Variants in GLYR1 observed in about 807,000 individuals in gnomAD.
The protein encoded by GLYR1 is glyoxylate reductase 1 homolog.
A neutral mutation model predicts 72.7 loss-of-function variants in GLYR1; 21 were observed. The ratio of observed to expected loss-of-function variants is 0.29; its 90% CI spans 0.20 to 0.42. The LOEUF is 0.42. Ranked by LOEUF, GLYR1 falls within the 10% of genes least tolerant of loss-of-function variation. GLYR1 has a pLI of 1.00. For synonymous variants in GLYR1, 392 were observed against 270.2 expected (o/e 1.45, Z -4.42); for missense variants, 594 against 712.1 (o/e 0.83, Z 1.89).
intron 15 of GLYR1, among the ~76,000 whole-genome samples, chr16:4,809,707 T>A (rs770743280): frequency 1.3e-5 from 2 of 151,342 alleles, no homozygotes; most frequent in Non-Finnish European, 2.9e-5. Context: ...ACGGATCACC[T>A]GAGGTCAGCA....
intron 15 of GLYR1, among the ~76,000 whole-genome samples, chr16:4,806,567 T>C (rs1036732154): frequency 6.6e-6 from 1 of 151,632 alleles, no homozygotes; most frequent in Admixed American, 6.6e-5. Context: ...GGGGTCTTGC[T>C]ATGTTGCCCA....
chr16:4,828,332 G>T (rs1056046150), intron 5 of GLYR1, among the ~76,000 whole-genome samples: 2 of 152,010 alleles, frequency 1.3e-5, no homozygotes, highest in Admixed American at 6.5e-5. Context: ...GCCTCCCAAA[G>T]CGCTGGGATT....
intron 7 of GLYR1, among the ~76,000 whole-genome samples, chr16:4,822,466 C>A (rs1371078982): frequency 1.3e-5 from 2 of 152,010 alleles, no homozygotes; most frequent in African/African-American, 2.4e-5. Flanking sequence ...TCTTGGCTCA[C>A]TGCAACCTCT....
At chr16:4,817,485 G>T in intron 10 of GLYR1, 113 bp downstream of exon 10, 1 of 673,208 alleles carries the variant, frequency 1.5e-6, no homozygotes, top group South Asian at 1.8e-5. Flanking sequence ...TGGACTAAAA[G>T]CTTGGCTTCT....
chr16:4,823,310 T>C (rs1000430138), intron 6 of GLYR1, among the ~76,000 whole-genome samples: 1 of 152,236 alleles, frequency 6.6e-6, no homozygotes, highest in African/African-American at 2.4e-5. Context: ...TTTGGCCTAC[T>C]TGTGTCTGGT....
Position 4,804,967 on chromosome 16 carries a change from GT to G in GLYR1, c.*268del. The G allele has an allele frequency of 1.8e-6, 1 of 541,328 alleles. No individual in the cohort carries two copies. The highest frequency in any genetic ancestry group is 1.9e-5 in the African/African-American group (1 of 51,900). 33.5% of individuals were successfully genotyped at this position (541,328 alleles called of 1,614,324 possible). A position where few individuals can be genotyped will look rare whatever the true frequency, so the allele number is the denominator to read the frequency against. ...TGTGTGTGTGTGTGTGTGTGTGTGT[GT>G]GTGAACACACAGCCACCTCGTCCGG... On this transcript the variant is annotated 3_prime_UTR_variant, in exon 16 of 16. Coordinates refer to ENST00000321919, the MANE Select transcript of GLYR1 (RefSeq NM_032569.4).
intron 10 of GLYR1, among the ~76,000 whole-genome samples, chr16:4,815,169 A>T (rs1567679530): frequency 6.6e-6 from 1 of 151,768 alleles, no homozygotes; most frequent in African/African-American, 2.4e-5. Context: ...ACAGTGGTGC[A>T]ATCATGGCTC....
At chr16:4,846,114 ACATTCTCC>A in intron 2 of GLYR1, 52 bp downstream of exon 2, 1 of 1,554,172 alleles carries the variant, frequency 6.4e-7, no homozygotes, top group Non-Finnish European at 8.9e-7. Context: ...AATGCATCTT[ACATTCTCC>A]ACCTCTTCAA....
At chr16:4,812,579 G>A (rs2083381541) in intron 12 of GLYR1, among the ~76,000 whole-genome samples, 1 of 151,344 alleles carries the variant, frequency 6.6e-6, no homozygotes, top group Admixed American at 6.6e-5. Context: ...TGCAAGCTCC[G>A]CCTCGCGGGT....
At chr16:4,842,936 G>A in intron 3 of GLYR1, among the ~76,000 whole-genome samples, 1 of 152,224 alleles carries the variant, frequency 6.6e-6, no homozygotes, top group East Asian at 1.9e-4. Context: ...CTGGCGTTAA[G>A]CAATCTGCCT....
chr16:4,845,221 T>C (rs879136414), intron 2 of GLYR1, 68 bp from the exon 3 acceptor site: 1 of 1,033,218 alleles, frequency 9.7e-7, no homozygotes, highest in Non-Finnish European at 1.5e-6. Context: ...TGGCTCCACA[T>C]TGCTCTACAG....
At chr16:4,813,638 C>G (rs1246295574) in intron 12 of GLYR1, 99 bp downstream of exon 12, 9 of 1,037,738 alleles carry the variant, frequency 8.7e-6, no homozygotes, top group Non-Finnish European at 1.2e-5. Flanking sequence ...CCCTCTCTGG[C>G]TTTGGCTCTA....
intron 15 of GLYR1, among the ~76,000 whole-genome samples, chr16:4,810,108 A>G (rs1257140937): frequency 1.3e-5 from 2 of 152,138 alleles, no homozygotes; most frequent in Non-Finnish European, 2.9e-5. Context: ...ACAAATTAAC[A>G]CGGATTAGTG....
chr16:4,843,810 A>G, intron 3 of GLYR1: 1 of 317,360 alleles, frequency 3.2e-6, no homozygotes, highest in African/African-American at 2.3e-5. Flanking sequence ...AAAGAAATCA[A>G]ACCGGCTGGG....
At chr16:4,808,281 A>G (rs1022586991) in intron 15 of GLYR1, among the ~76,000 whole-genome samples, 1 of 150,214 alleles carries the variant, frequency 6.7e-6, no homozygotes, top group African/African-American at 2.4e-5. Flanking sequence ...AGAGAATTAT[A>G]CTATGAAAAG....
chr16:4,805,269 A>G lies in GLYR1; in HGVS notation c.1629T>C (p.Asp543=), dbSNP rs2082901925. 1 of 1,614,068 alleles carries G rather than the reference A, an allele frequency of 6.2e-7. No homozygotes were observed. The highest frequency in any genetic ancestry group is 1.1e-5 in the South Asian group (1 of 91,038). Residue 543 remains aspartate (D), a synonymous_variant, in exon 16 of 16, where the codon GAT becomes GAC. Coordinates refer to ENST00000321919, the MANE Select transcript of GLYR1 (RefSeq NM_032569.4). ...TGTAGGCTCGGTACACGGCGGACATATCGTTGTCAGACTGGTCCAGCGCCT... is the reference window on the plus strand; with the variant it reads ...TGTAGGCTCGGTACACGGCGGACATGTCGTTGTCAGACTGGTCCAGCGCCT... ...RAKALDQSDN[D]MSAVYRAYIH
chr16:4,833,548 A>G (rs1313805975), intron 3 of GLYR1, among the ~76,000 whole-genome samples: 2 of 152,080 alleles, frequency 1.3e-5, no homozygotes, highest in Non-Finnish European at 2.9e-5. Context: ...TGGCTACTAA[A>G]CCACACAAAA....
intron 3 of GLYR1, among the ~76,000 whole-genome samples, chr16:4,842,862 A>C (rs1052084539): frequency 6.6e-6 from 1 of 151,852 alleles, no homozygotes; most frequent in Non-Finnish European, 1.5e-5. Context: ...ACCACACCCG[A>C]CTAATTTTTG....
Position 4,823,573 on chromosome 16 carries a change from A to G in GLYR1, c.624+248T>C, listed in dbSNP as rs1052923149. Among the ~76,000 whole-genome samples, 7 of 152,314 alleles carry G rather than the reference A, an allele frequency of 4.6e-5. No homozygotes were observed. The South Asian group carries it at 1.0e-3, about 23-fold the overall frequency. ...CTGCCCAAAATAAAAAAAACTAGAC[A>G]TAGGTCTATAATCATGTAAATGAAT... On this transcript the variant is annotated intron_variant, in intron 6 of 15. Coordinates refer to ENST00000321919, the MANE Select transcript of GLYR1 (RefSeq NM_032569.4).
Sources: gnomAD v4.1 joint callset for allele counts (sites outside exome capture counted in the v4.1 genomes callset) on GRCh38, gnomAD v4.1.1 for gene constraint, MANE v1.5 for transcripts, NCBI Gene and HGNC (gene_info 2026-07-23, HGNC 2026-07-21) for gene names.